The following LYST variants were observed in gnomAD, a reference collection of about 807,000 sequenced individuals.
LYST encodes lysosomal-trafficking regulator.
Under a neutral mutation model 413.6 loss-of-function variants are expected in LYST, and 192 were observed. The observed-to-expected ratio is 0.46, with a 90% CI of 0.41 to 0.52. The LOEUF is 0.52. Among genes scored for constraint, LYST ranks in the 20% least tolerant of loss-of-function variants. The pLI, the probability that LYST is intolerant of heterozygous loss-of-function variation, is 0.00. For missense variants in LYST, 3,815 were observed against 4,499.9 expected (o/e 0.85, Z 4.35); for synonymous variants, 1,525 against 1,567.3 (o/e 0.97, Z 0.64).
intron 7 of LYST, 79 bp downstream of exon 7, chr1:235,804,425 T>A: frequency 9.1e-7 from 1 of 1,097,148 alleles, no homozygotes; most frequent in South Asian, 1.2e-5. Flanking sequence ...ATGACATTCA[T>A]CAGCGTCCTA....
chr1:235,798,772 A>T (rs895153071), intron 10 of LYST, among the ~76,000 whole-genome samples: 1 of 152,158 alleles, frequency 6.6e-6, no homozygotes, highest in African/African-American at 2.4e-5. Context: ...CATTTATATG[A>T]AAAATATCCA....
In LYST at chr1:235,804,094, T is replaced by C. The variant is rs183519456; in HGVS notation, c.3555+410A>G. ...TTTATGTTGAATGATTTAAAATTAA[T>C]GTGAGTAGAGAGTTCTGGAAATATT... is the stretch of plus-strand genomic sequence containing the variant. On this transcript the variant is annotated intron_variant, in intron 7 of 52. Transcript: ENST00000389793. Among the ~76,000 whole-genome samples the C allele has an allele frequency of 2.2e-3, 342 of 152,300 alleles. 2 individuals are homozygous for C. The highest frequency in any genetic ancestry group is 4.0e-3 in the Non-Finnish European group (273 of 68,024).
At chr1:235,729,038 T>G (rs541963974) in intron 37 of LYST, among the ~76,000 whole-genome samples, 1 of 152,260 alleles carries the variant, frequency 6.6e-6, no homozygotes, top group African/African-American at 2.4e-5. Context: ...TTCTCACACT[T>G]GGAGAACCTA....
chr1:235,799,056 T>G (rs1671901837), intron 10 of LYST, among the ~76,000 whole-genome samples: 2 of 152,122 alleles, frequency 1.3e-5, no homozygotes, highest in African/African-American at 2.4e-5. Flanking sequence ...TTTCTCAGAG[T>G]TAAAAACACA....
intron 12 of LYST, 121 bp from the exon 13 acceptor site, chr1:235,788,966 T>C (rs1246501062): frequency 1.1e-6 from 1 of 875,018 alleles, no homozygotes; most frequent in African/African-American, 1.7e-5. Context: ...ACCCAGAATG[T>C]CTGAGCCTGA....
At chr1:235,698,052 C>T (rs748199060) in intron 45 of LYST, among the ~76,000 whole-genome samples, 2 of 152,072 alleles carry the variant, frequency 1.3e-5, no homozygotes, top group African/African-American at 2.4e-5. Context: ...AGACATGATG[C>T]CCTTTTAAAG....
chr1:235,765,689 A>G (rs1419269888), intron 21 of LYST, among the ~76,000 whole-genome samples: 1 of 152,082 alleles, frequency 6.6e-6, no homozygotes, highest in Non-Finnish European at 1.5e-5. Context: ...TCTCCAATCT[A>G]CCTATCAAAT....
In LYST at chr1:235,770,259, G is replaced by T; in HGVS notation, c.5823C>A (p.Val1941=). 1 of 1,613,548 alleles carries T rather than the reference G, an allele frequency of 6.2e-7. No individual in the cohort carries two copies. Among genetic ancestry groups the T allele is most frequent in the Non-Finnish European group, 8.5e-7 (1 of 1,179,618 alleles). The change falls in exon 20 of 53, where the codon GTC becomes GTA. Residue 1941 remains valine (V), a synonymous_variant. Transcript: ENST00000389793. The part of the protein sequence containing the change: ...VWETLLAALE[V]LIRADHHQQM... ...GCTGGTGGTGATCTGCTCTGATGAGGACTTCTAGAGCTGCTAGCAAAGTTT... is the reference window on the plus strand; with the variant it reads ...GCTGGTGGTGATCTGCTCTGATGAGTACTTCTAGAGCTGCTAGCAAAGTTT...
chr1:235,767,801 T>C (rs564591088), intron 20 of LYST, among the ~76,000 whole-genome samples: 1 of 152,264 alleles, frequency 6.6e-6, no homozygotes, highest in African/African-American at 2.4e-5. Context: ...ATCCATGCTA[T>C]TGAAATCTTG....
In LYST at chr1:235,806,359, G is replaced by A. The variant is rs1672832618; in HGVS notation, c.2777C>T (p.Thr926Ile). The change falls in exon 6 of 53, where the codon ACT becomes ATT. Residue 926 changes from threonine to isoleucine, a missense_variant. By Grantham distance (89) the Thr-to-Ile change is moderately conservative (BLOSUM62 -1). Around this residue, in one of 4 missense-constraint regions of LYST, gnomAD observed 1,648 missense variants for 1,810.3 expected, o/e 0.91. Coordinates refer to ENST00000389793, the MANE Select transcript of LYST (RefSeq NM_000081.4). ...DRESANDSED[T>I]SGYDSTASEP... Reference sequence around the variant, plus strand: ...GCTGGCTGTGCTGTCATAGCCAGAAGTATCTTCTGAGTCATTGGCCGACTC... The same window carrying A: ...GCTGGCTGTGCTGTCATAGCCAGAAATATCTTCTGAGTCATTGGCCGACTC... 3 of 1,613,938 alleles carry A rather than the reference G, an allele frequency of 1.9e-6. No individual in the cohort carries two copies. The highest frequency in any genetic ancestry group is 2.5e-6 in the Non-Finnish European group (3 of 1,180,018).
At chr1:235,833,472 A>T (rs1310876469) in intron 2 of LYST, 106 bp downstream of exon 2, 3 of 164,260 alleles carry the variant, frequency 1.8e-5, no homozygotes, top group Non-Finnish European at 3.8e-5. Context: ...TACTAAGAAA[A>T]GTTTAGCTGT....
chr1:235,707,480 AGGTGCGGTGGT>A (rs1347746037), intron 44 of LYST, among the ~76,000 whole-genome samples: 6 of 152,022 alleles, frequency 3.9e-5, no homozygotes, highest in Non-Finnish European at 5.9e-5. Flanking sequence ...AAAATTAGCC[AGGTGCGGTGGT>A]GGGCGCCTGT....
At chr1:235,673,448 A>G (rs1357457076) in intron 50 of LYST, among the ~76,000 whole-genome samples, 2 of 151,992 alleles carry the variant, frequency 1.3e-5, no homozygotes, top group African/African-American at 2.4e-5. Context: ...TCTCTCCCCA[A>G]TTTATGTTCT....
At chr1:235,751,419 T>G (rs144020505) in intron 27 of LYST, 57 bp from the exon 28 acceptor site, 4 of 1,417,482 alleles carry the variant, frequency 2.8e-6, no homozygotes, top group Middle Eastern at 1.8e-4. Context: ...ATTTTTTAAT[T>G]GAACTGATTT....
intron 37 of LYST, among the ~76,000 whole-genome samples, chr1:235,728,585 G>A (rs1007108708): frequency 1.1e-4 from 16 of 152,184 alleles, no homozygotes; most frequent in African/African-American, 3.4e-4. Flanking sequence ...ACTCAATAGG[G>A]TAGAGTAGGC....
intron 10 of LYST, among the ~76,000 whole-genome samples, chr1:235,798,578 TAAAAA>T (rs71174462): frequency 3.9e-4 from 32 of 81,706 alleles, no homozygotes; most frequent in African/African-American, 1.3e-3. Context: ...AACCCTGTCA[TAAAAA>T]AAAAAAAAAA....
chr1:235,688,138 C>T (rs1221574203), intron 47 of LYST, among the ~76,000 whole-genome samples: 4 of 152,132 alleles, frequency 2.6e-5, no homozygotes, highest in African/African-American at 9.7e-5. Context: ...AGAGAAAATG[C>T]ACTTTTAAAA....
At chr1:235,754,796 G>A (rs1178512913) in intron 25 of LYST, among the ~76,000 whole-genome samples, 4 of 152,014 alleles carry the variant, frequency 2.6e-5, no homozygotes, top group African/African-American at 7.2e-5. Context: ...AGACCTTGCC[G>A]GGTGTGGTGG....
chr1:235,717,416 C>G (rs957113), intron 40 of LYST, among the ~76,000 whole-genome samples: 1 of 151,988 alleles, frequency 6.6e-6, no homozygotes, highest in Non-Finnish European at 1.5e-5. Context: ...TCTGTGAACA[C>G]CACATGACAC....
Sources: gnomAD v4.1 joint callset for allele counts (sites outside exome capture counted in the v4.1 genomes callset) on GRCh38, gnomAD v4.1.1 for gene constraint, gnomAD v4.1.1 regional missense constraint, MANE v1.5 for transcripts, NCBI Gene and HGNC (gene_info 2026-07-23, HGNC 2026-07-21) for gene names.